The following XKR9 variants were observed in gnomAD, a reference collection of about 807,000 sequenced individuals.
XKR9 encodes the protein XK-related protein 9.
XKR9 carries 32 observed loss-of-function variants against 32.0 expected under a neutral mutation model. That is an observed-to-expected ratio of 1.00 (90% confidence interval 0.76 to 1.34). The LOEUF is 1.34. XKR9 is among the 40% of genes most tolerant of loss of function. The pLI, the probability that XKR9 is intolerant of heterozygous loss-of-function variation, is 0.00. For missense variants in XKR9, 546 were observed against 429.7 expected (o/e 1.27, Z -2.39); for synonymous variants, 168 against 143.4 (o/e 1.17, Z -1.22).
chr8:70,707,705 C>G (rs1805769030), intron 4 of XKR9, among the ~76,000 whole-genome samples: 1 of 151,854 alleles, frequency 6.6e-6, no homozygotes, highest in Non-Finnish European at 1.5e-5. Flanking sequence ...GGTAAATTCC[C>G]AGAAGTGGAA....
At chr8:70,796,507 T>A in the XKR9 span, among the ~76,000 whole-genome samples, 2 of 152,184 alleles carry the variant, frequency 1.3e-5, no homozygotes, top group Non-Finnish European at 2.9e-5. Context: ...CTTTGTTTAT[T>A]TTTTCACAGT....
the XKR9 span, among the ~76,000 whole-genome samples, chr8:70,902,668 C>CTGTT: frequency 6.6e-6 from 1 of 152,110 alleles, no homozygotes; most frequent in Non-Finnish European, 1.5e-5. Context: ...TTCCAACACT[C>CTGTT]TGTTGAGTGG....
intron 1 of XKR9, among the ~76,000 whole-genome samples, chr8:70,670,892 C>G (rs1351340160): frequency 6.6e-6 from 1 of 152,144 alleles, no homozygotes; most frequent in Non-Finnish European, 1.5e-5. Context: ...AGGCAGGAGG[C>G]TTTGCACATC....
intron 3 of XKR9, among the ~76,000 whole-genome samples, chr8:70,689,823 ATATATT>A (rs1478493379): frequency 6.6e-6 from 1 of 152,172 alleles, no homozygotes; most frequent in Non-Finnish European, 1.5e-5. Context: ...GAAAACTAAT[ATATATT>A]TATGTTTGCT....
chr8:70,741,233 G>T (rs150695794), intron 2 of XKR9, among the ~76,000 whole-genome samples: 3 of 152,292 alleles, frequency 2.0e-5, no homozygotes, highest in Non-Finnish European at 4.4e-5. Context: ...AAGGTTATCA[G>T]GGTGGGTTCT....
At chr8:70,899,316 T>G in the XKR9 span, among the ~76,000 whole-genome samples, 3 of 152,166 alleles carry the variant, frequency 2.0e-5, no homozygotes, top group African/African-American at 7.2e-5. Context: ...TCTGCACCAG[T>G]GTCTTTTTCC....
chr8:70,703,275 T>G (rs2132167665), intron 3 of XKR9, among the ~76,000 whole-genome samples: 1 of 152,254 alleles, frequency 6.6e-6, no homozygotes, highest in South Asian at 2.1e-4. Flanking sequence ...TGCTTTAGTT[T>G]GGGTGATTTC....
intron 3 of XKR9, among the ~76,000 whole-genome samples, chr8:70,688,658 C>A (rs527853932): frequency 6.6e-6 from 1 of 151,562 alleles, no homozygotes; most frequent in African/African-American, 2.4e-5. Flanking sequence ...CCTCGTGAGC[C>A]GCCCGCCTCG....
chr8:71,010,797 C>T, the XKR9 span, among the ~76,000 whole-genome samples: 1 of 152,114 alleles, frequency 6.6e-6, no homozygotes, highest in Non-Finnish European at 1.5e-5. Flanking sequence ...TTACTTTCTG[C>T]ATTTTCATAT....
chr8:70,802,556 T>A, the XKR9 span, among the ~76,000 whole-genome samples: 3 of 151,692 alleles, frequency 2.0e-5, no homozygotes, highest in Non-Finnish European at 4.4e-5. Context: ...CTTGATTGTA[T>A]TGTTTTATTG....
In XKR9 at chr8:70,735,874, T is replaced by C. The variant is rs1401150149; in HGVS notation, c.*1450T>C. 8 of 151,996 alleles carry C rather than the reference T, an allele frequency of 5.3e-5. No individual in the cohort carries two copies. Among genetic ancestry groups the C allele is most frequent in the South Asian group, 2.1e-4 (1 of 4,816 alleles). 9.4% of individuals were successfully genotyped at this position (151,996 alleles called of 1,614,324 possible). On this transcript the variant is annotated 3_prime_UTR_variant, in exon 5 of 5. Transcript: ENST00000408926. Reference sequence around the variant, plus strand: ...AATCCAGTCTATTGTTGTTGGACATTTGGGTTGGTTCCAAGTCTTTGCTAT... The same window carrying C: ...AATCCAGTCTATTGTTGTTGGACATCTGGGTTGGTTCCAAGTCTTTGCTAT...
intron 1 of XKR9, among the ~76,000 whole-genome samples, chr8:70,672,232 A>G (rs572287697): frequency 1.3e-5 from 1 of 76,146 alleles, no homozygotes; most frequent in South Asian, 3.3e-4. Context: ...TAAAGTTCAT[A>G]TGGAACCAAA....
the XKR9 span, among the ~76,000 whole-genome samples, chr8:70,902,287 A>G: frequency 6.6e-6 from 1 of 152,244 alleles, no homozygotes; most frequent in African/African-American, 2.4e-5. Context: ...ATCCATGAGC[A>G]TGGAATGTTC....
intron 2 of XKR9, among the ~76,000 whole-genome samples, chr8:70,752,202 A>G (rs910924770): frequency 5.9e-5 from 9 of 151,944 alleles, no homozygotes; most frequent in South Asian, 2.1e-4. Context: ...ATGGAATCAT[A>G]TAGGATATGG....
the XKR9 span, among the ~76,000 whole-genome samples, chr8:70,937,791 C>T: frequency 6.6e-6 from 1 of 152,060 alleles, no homozygotes; most frequent in Non-Finnish European, 1.5e-5. Context: ...TCCAGGGCTT[C>T]CAGCACACTG....
At chr8:70,808,964 C>G in the XKR9 span, among the ~76,000 whole-genome samples, 3 of 152,220 alleles carry the variant, frequency 2.0e-5, no homozygotes, top group Non-Finnish European at 4.4e-5. Context: ...TCCCAGCATG[C>G]AGCTTGGGAT....
downstream of XKR9, among the ~76,000 whole-genome samples, chr8:70,790,987 A>G (rs1014883908): frequency 6.6e-6 from 1 of 152,022 alleles, no homozygotes; most frequent in African/African-American, 2.4e-5. Context: ...AATCCCATTC[A>G]CGTGGTCAGA....
In XKR9 at chr8:70,681,216, T is replaced by A. The variant is rs763417771; in HGVS notation, c.158T>A (p.Leu53His). The A allele has an allele frequency of 6.2e-7, 1 of 1,613,444 alleles. No individual in the cohort carries two copies. The highest frequency in any genetic ancestry group is 8.5e-7 in the Non-Finnish European group (1 of 1,179,624). Residue 53 changes from leucine (L) to histidine (H), a missense_variant, in exon 3 of 5, where the codon CTT (leucine) becomes CAT (histidine). Leu to His is a moderately conservative substitution (Grantham distance 99, BLOSUM62 -3). Transcript: ENST00000408926. ...LALSFMLFGTLVAQCFSYSWF... is the reference protein window; with the variant it reads ...LALSFMLFGTHVAQCFSYSWF... ...TTAAGCTTTATGCTTTTTGGAACAC[T>A]TGTGGCTCAGTGTTTTAGTTATTCT...
At chr8:71,041,452 G>T in the XKR9 span, among the ~76,000 whole-genome samples, 1 of 152,176 alleles carries the variant, frequency 6.6e-6, no homozygotes, top group Non-Finnish European at 1.5e-5. Context: ...TGCCGATCAA[G>T]AATATCATAA....
Sources: allele counts gnomAD v4.1 joint callset (sites outside exome capture counted in the v4.1 genomes callset), GRCh38; gene constraint gnomAD v4.1.1; transcripts MANE v1.5; gene names NCBI Gene and HGNC (gene_info 2026-07-23, HGNC 2026-07-21).